RAPGEFL1: variants seen among roughly 807,000 people sequenced by gnomAD.
The protein encoded by RAPGEFL1 is Rap guanine nucleotide exchange factor like 1.
In RAPGEFL1, 31 loss-of-function variants were observed where a neutral mutation model predicts 64.4. The ratio of observed to expected loss-of-function variants is 0.48; its 90% CI spans 0.36 to 0.65. The LOEUF (loss-of-function observed/expected upper bound fraction) is 0.65. RAPGEFL1 is among the 30% of genes least tolerant of loss of function. The probability of loss-of-function intolerance (pLI) is 0.00; values close to 1 mark genes in which losing one functional copy is unlikely to be tolerated. For missense variants in RAPGEFL1, 682 were observed against 677.4 expected, an observed-to-expected ratio of 1.01 and a Z score of -0.08; for synonymous variants, 331 against 274.1, an observed-to-expected ratio of 1.21 and a Z score of -2.05.
In RAPGEFL1 at chr17:40,195,339, GCTCCCTGCCCC is replaced by G. The variant is rs1245090944; in HGVS notation, c.*1560_*1570del. On this transcript the variant is annotated 3_prime_UTR_variant, in exon 15 of 15. Transcript: ENST00000620260. ...GACAGTGTCCCATGGGCCCCCTTCT[GCTCCCTGCCCC>G]CTCCCTGCTACTGCTGATGCACTCT... is the stretch of plus-strand genomic sequence containing the variant. 6.5e-6 allele frequency: 1 copy of G among 154,846 alleles called. No individual in the cohort carries two copies. Among genetic ancestry groups the G allele is most frequent in the Non-Finnish European group, 1.4e-5 (1 of 69,592 alleles). 9.6% of individuals were successfully genotyped at this position (154,846 alleles called of 1,614,324 possible). A position where few individuals can be genotyped will look rare whatever the true frequency, so the allele number is the denominator to read the frequency against.
In RAPGEFL1 at chr17:40,177,938, G is replaced by A. The variant is rs1192319412; in HGVS notation, c.77G>A (p.Gly26Glu). 7 of 429,026 alleles carry A rather than the reference G, an allele frequency of 1.6e-5. No homozygotes were observed. The highest frequency in any genetic ancestry group is 2.9e-5 in the Non-Finnish European group (7 of 241,478). 26.6% of individuals were successfully genotyped at this position (429,026 alleles called of 1,614,324 possible). A position where few individuals can be genotyped will look rare whatever the true frequency, so the allele number is the denominator to read the frequency against. The change falls in exon 1 of 15, where the codon GGG becomes GAG. Residue 26 changes from glycine (G) to glutamate (E), a missense_variant. This residue lies in a region of RAPGEFL1 where 271 missense variants were observed against 158.0 expected (regional missense o/e 1.72). Transcript: ENST00000620260. ...AGRTVAGGPG[G>E]GLGSCGGPGG... ...CGAACGGTGGCGGGAGGTCCCGGCG[G>A]GGGTCTGGGGAGCTGCGGTGGGCCT... is the stretch of plus-strand genomic sequence containing the variant.
intron 14 of RAPGEFL1, 98 bp downstream of exon 14, chr17:40,193,515 C>T: frequency 6.4e-7 from 1 of 1,573,004 alleles, no homozygotes; most frequent in East Asian, 2.2e-5. Context: ...TTTCCATACA[C>T]TTGCTGGTTC....
intron 3 of RAPGEFL1, 40 bp from the exon 4 acceptor site, chr17:40,184,541 G>T: frequency 7.5e-7 from 1 of 1,336,046 alleles, no homozygotes; most frequent in South Asian, 1.3e-5. Context: ...CCCTTGGAAT[G>T]AGACCCCTTC....
At position 40,189,515 on chromosome 17, in the gene RAPGEFL1, T is replaced by C. The variant is rs1990189408; in HGVS notation, c.1114+140T>C. The C allele has an allele frequency of 4.2e-6, 4 of 960,066 alleles. No individual in the cohort carries two copies. In the South Asian group the frequency reaches 6.5e-5, roughly 16 times the overall value. The allele number at this position is 960,066 out of a possible 1,614,324, so 59.5% of individuals were successfully genotyped here. A position where few individuals can be genotyped will look rare whatever the true frequency, so the allele number is the denominator to read the frequency against. ...CGGGACAAGCCTCATGTGCATCGCCTGGGAACTTGTTAGGATGCAGCATCT... is the reference window on the plus strand; with the variant it reads ...CGGGACAAGCCTCATGTGCATCGCCCGGGAACTTGTTAGGATGCAGCATCT... On this transcript the variant is annotated intron_variant, in intron 6 of 14. Transcript: ENST00000620260.
At position 40,177,514 on chromosome 17, in the gene RAPGEFL1, G is replaced by GCCA; in HGVS notation, c.-346_-345insACC. On this transcript the variant is annotated 5_prime_UTR_variant, in exon 1 of 15. Transcript: ENST00000620260. ...CAGGAGCGCAGCCGCCGCCGCCGCC[G>GCCA]CCGCCGCGTCCTCTCAGCCTTGCGC... is the stretch of plus-strand genomic sequence containing the variant. The GCCA allele has an allele frequency of 1.7e-6, 1 of 595,712 alleles. No homozygotes were observed. Among genetic ancestry groups the GCCA allele is most frequent in the South Asian group, 1.9e-5 (1 of 53,028 alleles). The allele number at this position is 595,712 out of a possible 1,614,324, so 36.9% of individuals were successfully genotyped here.
chr17:40,178,605 G>A (rs1035766361), intron 1 of RAPGEFL1, among the ~76,000 whole-genome samples: 3 of 152,226 alleles, frequency 2.0e-5, no homozygotes, highest in Admixed American at 2.0e-4. Context: ...TGGAGAAGCA[G>A]CTGAGCCTCT....
Position 40,178,053 on chromosome 17 carries a change from C to A in RAPGEFL1, c.192C>A (p.Leu64=), listed in dbSNP as rs756878212. 1.7e-6 allele frequency: 1 copy of A among 599,708 alleles called. No homozygotes were observed. The highest frequency in any genetic ancestry group is 1.9e-5 in the South Asian group (1 of 53,312). 37.1% of individuals were successfully genotyped at this position (599,708 alleles called of 1,614,324 possible). A position where few individuals can be genotyped will look rare whatever the true frequency, so the allele number is the denominator to read the frequency against. Residue 64 remains leucine (L), a synonymous_variant, in exon 1 of 15, where the codon CTC becomes CTA. Coordinates refer to ENST00000620260, the MANE Select transcript of RAPGEFL1 (RefSeq NM_016339.6). ...QRRQSVSRLL[L]PAFLREPPAE... ...GTCAGAGCGTGTCTCGCCTGCTGCTCCCCGCTTTCCTCCGGGAGCCCCCCG... is the reference window on the plus strand; with the variant it reads ...GTCAGAGCGTGTCTCGCCTGCTGCTACCCGCTTTCCTCCGGGAGCCCCCCG...
intron 1 of RAPGEFL1, among the ~76,000 whole-genome samples, 159 bp downstream of exon 1, chr17:40,178,540 C>G (rs1186674634): frequency 6.6e-6 from 1 of 152,176 alleles, no homozygotes; most frequent in Non-Finnish European, 1.5e-5. Flanking sequence ...CAGACCCTCC[C>G]GCGGAAGAGG....
At chr17:40,186,574 C>CAAAAAAAAAA (rs146110920) in intron 4 of RAPGEFL1, among the ~76,000 whole-genome samples, 12 of 26,288 alleles carry the variant, frequency 4.6e-4, no homozygotes, top group African/African-American at 5.6e-4. Context: ...GACTCCGTCT[C>CAAAAAAAAAA]AAAAAAAAAA....
chr17:40,178,275 T>C lies in RAPGEFL1; in HGVS notation c.414T>C (p.Thr138=). 1.5e-6 allele frequency: 1 copy of C among 650,812 alleles called. No homozygotes were observed. The highest frequency in any genetic ancestry group is 2.8e-6 in the Non-Finnish European group (1 of 357,776). 40.3% of individuals were successfully genotyped at this position (650,812 alleles called of 1,614,324 possible). Residue 138 remains threonine (T), a synonymous_variant, in exon 1 of 15, where the codon ACT becomes ACC. Transcript: ENST00000620260. ...AGCTGTCCCCAGGCGAGCCCTTGAC[T>C]TCGCCGCCCTGGGCCCCTCTGGGCG... ...SDELSPGEPL[T]SPPWAPLGAP...
intron 1 of RAPGEFL1, among the ~76,000 whole-genome samples, chr17:40,180,842 T>G (rs768295809): frequency 6.6e-6 from 1 of 152,228 alleles, no homozygotes; most frequent in Non-Finnish European, 1.5e-5. Context: ...CCCTAACCAG[T>G]CCTGGTGAGG....
intron 1 of RAPGEFL1, chr17:40,181,229 T>C (rs1283953481): frequency 4.5e-6 from 2 of 446,398 alleles, no homozygotes; most frequent in African/African-American, 2.0e-5. Flanking sequence ...CAGTCCCCAC[T>C]GATGCTAACC....
upstream of RAPGEFL1, chr17:40,177,018 C>G: frequency 1.4e-6 from 1 of 701,206 alleles, no homozygotes; most frequent in Middle Eastern, 3.3e-4. Flanking sequence ...CTATTGTGCC[C>G]TACCAGAGAG....
chr17:40,182,596 G>A (rs1989927826), intron 2 of RAPGEFL1, among the ~76,000 whole-genome samples: 1 of 152,224 alleles, frequency 6.6e-6, no homozygotes, highest in South Asian at 2.1e-4. Flanking sequence ...TTAAAGGCGT[G>A]AGCCACTGCG....
Position 40,178,208 on chromosome 17 carries a change from G to T in RAPGEFL1, c.347G>T (p.Gly116Val), listed in dbSNP as rs1385939211. 1.1e-5 allele frequency: 6 copies of T among 568,876 alleles called. No individual in the cohort carries two copies. The highest frequency in any genetic ancestry group is 7.7e-5 in the South Asian group (4 of 52,014). The allele number at this position is 568,876 out of a possible 1,614,324, so 35.2% of individuals were successfully genotyped here. ...EEVPGPGPLG[G>V]GGPLRSPSSY... ...GTGCCGGGGCCCGGGCCTCTCGGGG[G>T]AGGGGGGCCCCTGCGCTCCCCTTCC... The change falls in exon 1 of 15, where the codon GGA becomes GTA. Residue 116 changes from glycine (G) to valine (V), a missense_variant. Coordinates refer to ENST00000620260, the MANE Select transcript of RAPGEFL1 (RefSeq NM_016339.6).
Position 40,191,760 on chromosome 17 carries a change from A to C in RAPGEFL1, c.1605+88A>C, listed in dbSNP as rs1377388884. ...CCTCCCGGGACGGCCGCCGGCCTGG[A>C]GGGAGTCTTTGCGCCAGTTGGAGGG... is the stretch of plus-strand genomic sequence containing the variant. On this transcript the variant is annotated intron_variant, in intron 10 of 14. Transcript: ENST00000620260. This position sits in a 1 kb window ranked among gnomAD's most constrained non-coding sequence, Gnocchi z 5.1. The C allele has an allele frequency of 5.9e-6, 8 of 1,363,948 alleles. No homozygotes were observed. The highest frequency in any genetic ancestry group is 8.2e-6 in the Non-Finnish European group (8 of 978,968). The allele number at this position is 1,363,948 out of a possible 1,614,324, so 84.5% of individuals were successfully genotyped here.
chr17:40,183,236 A>G (rs544450226), intron 2 of RAPGEFL1, among the ~76,000 whole-genome samples: 1 of 152,260 alleles, frequency 6.6e-6, no homozygotes, highest in African/African-American at 2.4e-5. Flanking sequence ...TTTGTGGTAA[A>G]CACCATTGGC....
At chr17:40,189,150 T>C in intron 5 of RAPGEFL1, 58 bp from the exon 6 acceptor site, 1 of 1,569,218 alleles carries the variant, frequency 6.4e-7, no homozygotes, top group Non-Finnish European at 8.8e-7. Flanking sequence ...TGGAGGAGAC[T>C]GTGCCAGCTG....
chr17:40,189,786 C>G (rs1180513193), intron 6 of RAPGEFL1, among the ~76,000 whole-genome samples: 10 of 152,020 alleles, frequency 6.6e-5, no homozygotes, highest in Admixed American at 6.6e-4. Flanking sequence ...GACTCCTATG[C>G]CTACTAAAGT....
Sources: gnomAD v4.1 joint callset for allele counts (sites outside exome capture counted in the v4.1 genomes callset) on GRCh38, gnomAD v4.1.1 for gene constraint, gnomAD v4.1.1 regional missense constraint, Gnocchi (gnomAD v3.1) non-coding constraint, MANE v1.5 for transcripts, NCBI Gene and HGNC (gene_info 2026-07-23, HGNC 2026-07-21) for gene names.